Variants in MYO18A observed in about 807,000 individuals in gnomAD.
MYO18A encodes myosin XVIIIA, also known as unconventional myosin-XVIIIa.
A neutral mutation model predicts 235.8 loss-of-function variants in MYO18A; 78 were observed. The ratio of observed to expected loss-of-function variants is 0.33; its 90% CI spans 0.28 to 0.40. The LOEUF (loss-of-function observed/expected upper bound fraction) is 0.40, where lower values mean the gene tolerates loss of function less well. Among genes scored for constraint, MYO18A ranks in the 10% least tolerant of loss-of-function variants. The pLI is 1.00. For synonymous variants in MYO18A, 977 were observed against 1,077.8 expected (o/e 0.91, Z 1.83); for missense variants, 2,215 against 2,699.3 (o/e 0.82, Z 3.98).
Position 29,154,121 on chromosome 17 carries a change from T to TGTGTGTGTGTGTGCGC in MYO18A, c.999+11820_999+11821insGCGCACACACACACAC, listed in dbSNP as rs142430455. On this transcript the variant is annotated intron_variant, in intron 2 of 41. Transcript: ENST00000527372. ...TGCAGAGTGTGTGTGTGTGTGTGTG[T>TGTGTGTGTGTGTGCGC]GCGCGCGCGTGCGTGTGTATGTGGC... Among the ~76,000 whole-genome samples the TGTGTGTGTGTGTGCGC allele has an allele frequency of 7.4e-4, 111 of 148,994 alleles. 1 individual carries two copies. Among genetic ancestry groups the TGTGTGTGTGTGTGCGC allele is most frequent in the African/African-American group, 2.5e-3 (97 of 39,404 alleles).
rs184934852 is a variant in MYO18A at position 29,175,825 on chromosome 17, C to T, written c.-82+4488G>A. 4.6e-5 allele frequency among the ~76,000 whole-genome samples: 7 copies of T among 152,060 alleles called. No individual in the cohort carries two copies. The East Asian group carries it at 9.7e-4, about 21-fold the overall frequency. On this transcript the variant is annotated intron_variant, in intron 1 of 41. Transcript: ENST00000527372. ...CTGTAATCCCAGCACTTTGGGAGGC[C>T]GAGGCAGGTGGATGACGAGGTCAGG...
chr17:29,136,811 G>A (rs911650755), intron 2 of MYO18A, among the ~76,000 whole-genome samples: 4 of 152,146 alleles, frequency 2.6e-5, no homozygotes, highest in Admixed American at 2.0e-4. Flanking sequence ...AAACTTCATC[G>A]GCGTGAAGGT....
intron 2 of MYO18A, among the ~76,000 whole-genome samples, chr17:29,132,795 C>T (rs760906279): frequency 1.3e-5 from 2 of 152,174 alleles, no homozygotes; most frequent in Non-Finnish European, 2.9e-5. Context: ...AGAGTGGAGC[C>T]TACTTCTTTA....
Position 29,082,361 on chromosome 17 carries a change from C to T in MYO18A, c.5975G>A (p.Gly1992Glu). Residue 1992 changes from glycine (G) to glutamate (E), a missense_variant, in exon 41 of 42, where the codon GGA becomes GAA. Gly to Glu is a moderately conservative substitution (Grantham distance 98). Transcript: ENST00000527372. ...ATCATCAGAAGCTGCCTTGGAAGGT[C>T]CCTTGTTTTTTGACAACCAGGACTT... ...GVKSWLSKNK[G>E]PSKAASDDGS... 1 of 1,613,970 alleles carries T rather than the reference C, an allele frequency of 6.2e-7. No homozygotes were observed.
chr17:29,079,978 C>T lies in MYO18A; in HGVS notation c.6020+2338G>A, dbSNP rs901308168. ...CTTGGACTTCTTGCTCTTCCGAGAGCGCCCCTTCTTCCGCCTCTTGTGCTC... is the reference window on the plus strand; with the variant it reads ...CTTGGACTTCTTGCTCTTCCGAGAGTGCCCCTTCTTCCGCCTCTTGTGCTC... On this transcript the variant is annotated intron_variant, in intron 41 of 41. Transcript: ENST00000527372. The T allele has an allele frequency of 4.1e-6, 4 of 985,892 alleles. No homozygotes were observed. The African/African-American group carries it at 5.2e-5, about 13-fold the overall frequency. The allele number at this position is 985,892 out of a possible 1,614,324, so 61.1% of individuals were successfully genotyped here.
intron 2 of MYO18A, among the ~76,000 whole-genome samples, chr17:29,148,536 C>T (rs2067896027): frequency 6.6e-6 from 1 of 151,998 alleles, no homozygotes. Context: ...AAAATGCCAG[C>T]GCAGGAGTCC....
At chr17:29,099,816 A>C in intron 21 of MYO18A, 54 bp from the exon 22 acceptor site, 2 of 1,586,282 alleles carry the variant, frequency 1.3e-6, no homozygotes, top group Middle Eastern at 4.5e-4. Flanking sequence ...CCAGCAGAGG[A>C]AAGGCAGAGA....
chr17:29,158,505 C>G lies in MYO18A; in HGVS notation c.999+7437G>C, dbSNP rs1287328866. 6.6e-6 allele frequency among the ~76,000 whole-genome samples: 1 copy of G among 152,238 alleles called. No individual in the cohort carries two copies. The highest frequency in any genetic ancestry group is 2.4e-5 in the African/African-American group (1 of 41,464). On this transcript the variant is annotated intron_variant, in intron 2 of 41. Transcript: ENST00000527372. This position sits in a 1 kb window ranked among gnomAD's most constrained non-coding sequence, Gnocchi z 4.3. ...AGGTGGGGGCCCTGAAAACTCCGCT[C>G]TTTCGCAGTGGCTGTCTGGCATGGT...
At chr17:29,103,746 C>T in intron 20 of MYO18A, 82 bp from the exon 21 acceptor site, 4 of 1,344,952 alleles carry the variant, frequency 3.0e-6, no homozygotes, top group Non-Finnish European at 3.2e-6. Context: ...TTGGCCCTTC[C>T]CCTCCCTCCT....
At chr17:29,129,184 C>T (rs1197313604) in intron 2 of MYO18A, 41 of 1,132,074 alleles carry the variant, frequency 3.6e-5, no homozygotes, top group East Asian at 1.2e-4. Context: ...CTCCTCACAG[C>T]GTCCCTCGTC....
At chr17:29,134,684 G>A (rs767138963) in intron 2 of MYO18A, among the ~76,000 whole-genome samples, 23 of 151,808 alleles carry the variant, frequency 1.5e-4, no homozygotes, top group East Asian at 3.9e-4. Context: ...TACCACGCCC[G>A]GCTAATTTCT....
At chr17:29,130,023 G>A (rs1375148205) in intron 2 of MYO18A, among the ~76,000 whole-genome samples, 1 of 152,192 alleles carries the variant, frequency 6.6e-6, no homozygotes, top group East Asian at 1.9e-4. Context: ...TGGGCCAGGT[G>A]TGGTGGCTCA....
At chr17:29,086,648 T>C (rs2066260348) in intron 38 of MYO18A, 71 bp from the exon 39 acceptor site, 2 of 1,549,856 alleles carry the variant, frequency 1.3e-6, no homozygotes, top group Non-Finnish European at 1.7e-6. Flanking sequence ...AGAAGCCTGC[T>C]TCAAGTACTT....
At chr17:29,169,078 G>T (rs1181234809) in intron 1 of MYO18A, among the ~76,000 whole-genome samples, 1 of 151,944 alleles carries the variant, frequency 6.6e-6, no homozygotes, top group South Asian at 2.1e-4. Context: ...GCTGAGGCAT[G>T]AGAATCACTT....
intron 34 of MYO18A, chr17:29,091,342 T>A: frequency 6.0e-6 from 2 of 332,196 alleles, no homozygotes; most frequent in South Asian, 4.9e-5. Context: ...GACTCTCATT[T>A]TCCCTGGGAC....
intron 20 of MYO18A, among the ~76,000 whole-genome samples, chr17:29,104,906 C>G (rs1042928943): frequency 1.3e-5 from 2 of 152,000 alleles, no homozygotes; most frequent in African/African-American, 4.8e-5. Context: ...TTGGGCCAGG[C>G]GCGGTGGCTC....
rs16964837 is a variant in MYO18A, at chr17:29,140,075, A to G, written c.1000-17822T>C. 0.31 allele frequency among the ~76,000 whole-genome samples: 46,557 copies of G among 151,976 alleles called. 7,395 individuals are homozygous for G. The highest frequency in any genetic ancestry group is 0.55 in the East Asian group (2,837 of 5,144). ...CCCAGGAAACTGAGGTTCAGAAGAC[A>G]GTGCCCCTCCAAAACTCCTGAAGTC... is the stretch of plus-strand genomic sequence containing the variant. On this transcript the variant is annotated intron_variant, in intron 2 of 41. Coordinates refer to ENST00000527372, the MANE Select transcript of MYO18A (RefSeq NM_078471.4). The surrounding 1 kb of genome is among the most constrained non-coding windows in gnomAD (Gnocchi z 4.2).
intron 2 of MYO18A, among the ~76,000 whole-genome samples, chr17:29,150,486 GAAATTGC>G (rs1234710430): frequency 1.3e-5 from 2 of 152,262 alleles, no homozygotes; most frequent in African/African-American, 4.8e-5. Flanking sequence ...TTGAGGTGTA[GAAATTGC>G]CAGAGAGGAC....
rs567186557 is a variant in MYO18A at position 29,114,663 on chromosome 17, A to G, written c.2511+244T>C. 8.5e-5 allele frequency among the ~76,000 whole-genome samples: 13 copies of G among 152,350 alleles called. No individual in the cohort carries two copies. In the East Asian group the frequency reaches 2.3e-3, roughly 27 times the overall value. The stretch of plus-strand genomic sequence containing the variant: ...CTGGGAGGTGCCTCAAAAGAGGCCA[A>G]GGGTAGCCTCCTGGGGGCCCTCAAT... On this transcript the variant is annotated intron_variant, in intron 14 of 41. Coordinates refer to ENST00000527372, the MANE Select transcript of MYO18A (RefSeq NM_078471.4).
Sources: allele counts gnomAD v4.1 joint callset (sites outside exome capture counted in the v4.1 genomes callset), GRCh38; gene constraint gnomAD v4.1.1; non-coding constraint Gnocchi (gnomAD v3.1); transcripts MANE v1.5; gene names NCBI Gene and HGNC (gene_info 2026-07-23, HGNC 2026-07-21).